The following SFMBT2 variants were observed in gnomAD, a reference collection of about 807,000 sequenced individuals.
The protein encoded by SFMBT2 is Scm like with four mbt domains 2, also known as scm-like with four MBT domains protein 2.
SFMBT2 carries 38 observed loss-of-function variants against 110.1 expected under a neutral mutation model. That is an observed-to-expected ratio of 0.35 (90% CI 0.27 to 0.45). The LOEUF (loss-of-function observed/expected upper bound fraction) is 0.45. Among genes scored for constraint, SFMBT2 ranks in the 20% least tolerant of loss-of-function variants. The pLI is 1.00. For synonymous variants in SFMBT2, 425 were observed against 425.4 expected, an observed-to-expected ratio of 1.00 and a Z score of 0.01; for missense variants, 1,011 against 1,094.9, an observed-to-expected ratio of 0.92 and a Z score of 1.08.
chr10:7,184,436 G>A (rs972977820), intron 16 of SFMBT2, among the ~76,000 whole-genome samples: 7 of 152,046 alleles, frequency 4.6e-5, no homozygotes, highest in African/African-American at 7.2e-5. Context: ...ACCTTCCGCT[G>A]TGATTATGAG....
intron 1 of SFMBT2, among the ~76,000 whole-genome samples, chr10:7,403,063 A>C (rs1846121873): frequency 6.6e-6 from 1 of 152,242 alleles, no homozygotes; most frequent in Non-Finnish European, 1.5e-5. Flanking sequence ...TTAAATGGTC[A>C]GTTCATACGA....
In SFMBT2 at chr10:7,346,102, C is replaced by A. The variant is rs138627664; in HGVS notation, c.436+21547G>T. ...CCTTGCTTCAAGATTAACGTCCAAG[C>A]AGCAGAAGCTACTGGCCTAATTTTG... On this transcript the variant is annotated intron_variant, in intron 4 of 20. Transcript: ENST00000397167. 7.9e-5 allele frequency among the ~76,000 whole-genome samples: 12 copies of A among 152,322 alleles called. No individual in the cohort carries two copies. In the East Asian group the frequency reaches 2.3e-3, roughly 29 times the overall value.
intron 11 of SFMBT2, among the ~76,000 whole-genome samples, chr10:7,210,695 C>A (rs1839317242): frequency 6.6e-6 from 1 of 152,264 alleles, no homozygotes; most frequent in Admixed American, 6.5e-5. Context: ...CAAGCAAGAC[C>A]TGGACGCTGG....
intron 4 of SFMBT2, among the ~76,000 whole-genome samples, chr10:7,342,396 C>CTTTTTTTTTTTTTTTTT (rs71382101): frequency 7.2e-5 from 5 of 69,628 alleles, no homozygotes; most frequent in African/African-American, 1.1e-4. Context: ...TGGAGTGAGT[C>CTTTTTTTTTTTTTTTTT]TTTTTTTTTT....
chr10:7,281,689 T>C (rs1427965511), intron 6 of SFMBT2, among the ~76,000 whole-genome samples: 1 of 152,198 alleles, frequency 6.6e-6, no homozygotes, highest in Non-Finnish European at 1.5e-5. Context: ...AGAATCCAGT[T>C]TCCATCTTGA....
At chr10:7,381,686 A>T in intron 2 of SFMBT2, 113 bp downstream of exon 2, 1 of 1,167,928 alleles carries the variant, frequency 8.6e-7, no homozygotes, top group Non-Finnish European at 1.2e-6. Context: ...AATCCCAGGA[A>T]CCAGACAGTA....
At chr10:7,300,659 G>A (rs1478145803) in intron 4 of SFMBT2, among the ~76,000 whole-genome samples, 1 of 152,198 alleles carries the variant, frequency 6.6e-6, no homozygotes, top group East Asian at 1.9e-4. Context: ...TGCATTCTGT[G>A]AGGATGGAAA....
At position 7,367,972 on chromosome 10, in the gene SFMBT2, T is replaced by C. The variant is rs961884511; in HGVS notation, c.196-83A>G. The C allele has an allele frequency of 1.3e-6, 2 of 1,528,230 alleles. No homozygotes were observed. The highest frequency in any genetic ancestry group is 1.4e-5 in the African/African-American group (1 of 72,396). The allele number at this position is 1,528,230 out of a possible 1,614,324, so 94.7% of individuals were successfully genotyped here. A position where few individuals can be genotyped will look rare whatever the true frequency, so the allele number is the denominator to read the frequency against. Reference sequence around the variant, plus strand: ...AGATGACAAAAACCACTAAAAAATATGGCACTTACAAACAATATTCCTGTT... The same window carrying C: ...AGATGACAAAAACCACTAAAAAATACGGCACTTACAAACAATATTCCTGTT... On this transcript the variant is annotated intron_variant, in intron 3 of 20. Coordinates refer to ENST00000397167, the MANE Select transcript of SFMBT2 (RefSeq NM_001387889.1). This position sits in a 1 kb window ranked among gnomAD's most constrained non-coding sequence, Gnocchi z 6.2.
chr10:7,369,830 C>T (rs1350560964), intron 3 of SFMBT2, among the ~76,000 whole-genome samples: 1 of 152,164 alleles, frequency 6.6e-6, no homozygotes, highest in Non-Finnish European at 1.5e-5. Flanking sequence ...AGGTCTCCTC[C>T]TTCTTCCTAA....
At chr10:7,249,345 T>A (rs1840725099) in intron 7 of SFMBT2, 1 of 242,852 alleles carries the variant, frequency 4.1e-6, no homozygotes, top group South Asian at 1.5e-4. Context: ...CCTCCTAAGA[T>A]AACAAATTTC....
intron 4 of SFMBT2, among the ~76,000 whole-genome samples, chr10:7,331,469 A>G (rs1386120646): frequency 6.6e-6 from 1 of 152,180 alleles, no homozygotes; most frequent in Non-Finnish European, 1.5e-5. Flanking sequence ...CAGAGTCGGA[A>G]AGTCATTTTA....
chr10:7,219,130 C>T (rs1420049927), intron 11 of SFMBT2, among the ~76,000 whole-genome samples: 2 of 152,148 alleles, frequency 1.3e-5, no homozygotes, highest in Non-Finnish European at 2.9e-5. Flanking sequence ...TAAATTTAGT[C>T]ATTACAAAAT....
chr10:7,203,454 C>A (rs939084887), intron 12 of SFMBT2: 1 of 234,668 alleles, frequency 4.3e-6, no homozygotes, highest in Non-Finnish European at 7.0e-6. Flanking sequence ...AAGAGCCAAG[C>A]ACAACAGACA....
chr10:7,357,367 C>T (rs541548955), intron 4 of SFMBT2, among the ~76,000 whole-genome samples: 1 of 152,312 alleles, frequency 6.6e-6, no homozygotes, highest in Admixed American at 6.5e-5. Flanking sequence ...AGATCATCCT[C>T]TTGCTTGTGG....
chr10:7,365,317 C>A (rs1008731330), intron 4 of SFMBT2, among the ~76,000 whole-genome samples: 1 of 152,202 alleles, frequency 6.6e-6, no homozygotes, highest in Non-Finnish European at 1.5e-5. Context: ...TGAAGGAGAG[C>A]GCACGTGCTT....
In SFMBT2 at chr10:7,206,719, TA is replaced by T. The variant is rs775198891; in HGVS notation, c.1331-792del. On this transcript the variant is annotated intron_variant, in intron 11 of 20. Coordinates refer to ENST00000397167, the MANE Select transcript of SFMBT2 (RefSeq NM_001387889.1). Reference sequence around the variant, plus strand: ...CTGAAAAAGACAAGAAGACTGGATTTAACAGCAGCAAAAGTTTCAAGGAGCT... The same window carrying T: ...CTGAAAAAGACAAGAAGACTGGATTTACAGCAGCAAAAGTTTCAAGGAGCT... The T allele has an allele frequency of 2.3e-5, 17 of 735,506 alleles. 1 individual carries two copies. In the Admixed American group the frequency reaches 7.5e-4, roughly 33 times the overall value. The allele number at this position is 735,506 out of a possible 1,614,324, so 45.6% of individuals were successfully genotyped here.
At chr10:7,291,630 T>TA (rs1185552926) in intron 4 of SFMBT2, among the ~76,000 whole-genome samples, 16 of 152,126 alleles carry the variant, frequency 1.1e-4, no homozygotes, top group African/African-American at 3.9e-4. Context: ...GCATCATACT[T>TA]AAATATGAAA....
At chr10:7,345,953 C>T (rs1844095151) in intron 4 of SFMBT2, among the ~76,000 whole-genome samples, 1 of 152,218 alleles carries the variant, frequency 6.6e-6, no homozygotes, top group Non-Finnish European at 1.5e-5. Flanking sequence ...CAGTCCCTGA[C>T]TCTGGAATAA....
intron 4 of SFMBT2, among the ~76,000 whole-genome samples, chr10:7,356,938 C>T (rs922575089): frequency 2.0e-5 from 3 of 152,138 alleles, no homozygotes; most frequent in East Asian, 1.9e-4. Flanking sequence ...CTACCCACTT[C>T]GTATTGGTTT....
Sources: gnomAD v4.1 joint callset for allele counts (sites outside exome capture counted in the v4.1 genomes callset) on GRCh38, gnomAD v4.1.1 for gene constraint, Gnocchi (gnomAD v3.1) non-coding constraint, MANE v1.5 for transcripts, NCBI Gene and HGNC (gene_info 2026-07-23, HGNC 2026-07-21) for gene names.